BCAR3: variants seen among roughly 807,000 people sequenced by gnomAD.
BCAR3 encodes the protein BCAR3 adaptor protein, NSP family member.
A neutral mutation model predicts 80.1 loss-of-function variants in BCAR3; 37 were observed. The ratio of observed to expected loss-of-function variants is 0.46; its 90% CI spans 0.36 to 0.61. The LOEUF (loss-of-function observed/expected upper bound fraction) is 0.61. Among genes scored for constraint, BCAR3 ranks in the 20% least tolerant of loss-of-function variants. BCAR3 has a pLI of 0.00. For missense variants in BCAR3, 978 were observed against 1,068.2 expected (o/e 0.92, Z 1.18); for synonymous variants, 389 against 418.9 (o/e 0.93, Z 0.87).
chr1:93,636,957 T>C (rs996811279), intron 3 of BCAR3, among the ~76,000 whole-genome samples: 2 of 151,790 alleles, frequency 1.3e-5, no homozygotes, highest in Non-Finnish European at 2.9e-5. Flanking sequence ...AAATTAGGCA[T>C]GGTGGTGGTC....
At chr1:93,613,800 T>C in intron 3 of BCAR3, 1 of 1,540,052 alleles carries the variant, frequency 6.5e-7, no homozygotes, top group Non-Finnish European at 8.8e-7. Context: ...GCTTTCAGGG[T>C]CCCCCAAAAG....
intron 3 of BCAR3, among the ~76,000 whole-genome samples, chr1:93,699,074 T>A (rs1649538508): frequency 6.6e-6 from 1 of 152,278 alleles, no homozygotes; most frequent in South Asian, 2.1e-4. Context: ...GCTGTACATA[T>A]ATGTTCATAT....
At chr1:93,602,460 A>G (rs992928439) in intron 3 of BCAR3, 10 of 152,364 alleles carry the variant, frequency 6.6e-5, no homozygotes, top group African/African-American at 2.4e-4. Flanking sequence ...GTAAACATGT[A>G]AAGAAACTGA....
chr1:93,734,659 C>T (rs1169110479), intron 2 of BCAR3, among the ~76,000 whole-genome samples: 1 of 152,114 alleles, frequency 6.6e-6, no homozygotes, highest in Non-Finnish European at 1.5e-5. Flanking sequence ...GGGGAGGGCC[C>T]CAGCAACGTC....
At chr1:93,813,842 A>G (rs77051805) in intron 2 of BCAR3, among the ~76,000 whole-genome samples, 1,610 of 152,314 alleles carry the variant, frequency 0.011, 29 homozygotes, top group African/African-American at 0.035. Context: ...CCAGGATCCA[A>G]TGAAAGATCA....
intron 3 of BCAR3, among the ~76,000 whole-genome samples, chr1:93,626,898 G>C (rs1356540638): frequency 1.3e-5 from 2 of 152,168 alleles, no homozygotes; most frequent in African/African-American, 4.8e-5. Flanking sequence ...TTTTCATAGA[G>C]CACAATTTTT....
At chr1:93,758,318 G>C (rs1651815941) in intron 2 of BCAR3, among the ~76,000 whole-genome samples, 1 of 152,212 alleles carries the variant, frequency 6.6e-6, no homozygotes, top group Admixed American at 6.5e-5. Flanking sequence ...GGCCAGGGGA[G>C]GACAAAGAAG....
chr1:93,775,426 G>C (rs567472487), intron 2 of BCAR3: 1 of 152,232 alleles, frequency 6.6e-6, no homozygotes, highest in Non-Finnish European at 1.5e-5. Context: ...CCCAGCACGC[G>C]CGCGGCTGGT....
chr1:93,846,133 C>T (rs896271533), intron 1 of BCAR3, among the ~76,000 whole-genome samples: 3 of 150,286 alleles, frequency 2.0e-5, no homozygotes, highest in Non-Finnish European at 4.4e-5. Flanking sequence ...CGCCCCATAG[C>T]TTCGTCTTGG....
intron 3 of BCAR3, chr1:93,613,883 G>A: frequency 6.4e-7 from 1 of 1,550,590 alleles, no homozygotes; most frequent in African/African-American, 1.4e-5. Flanking sequence ...GATAGAAGCA[G>A]CACAGAGCTG....
intron 2 of BCAR3, among the ~76,000 whole-genome samples, chr1:93,656,707 G>A (rs1274657846): frequency 1.3e-5 from 2 of 150,744 alleles, no homozygotes; most frequent in African/African-American, 2.4e-5. Flanking sequence ...GGGCTTAAAC[G>A]ATCTTCCTGC....
chr1:93,641,537 C>T (rs150384433), intron 3 of BCAR3, among the ~76,000 whole-genome samples: 1 of 152,318 alleles, frequency 6.6e-6, no homozygotes, highest in African/African-American at 2.4e-5. Flanking sequence ...GAAAATAAAG[C>T]AAACAGCAAC....
chr1:93,668,957 C>G (rs1231315517), intron 2 of BCAR3, among the ~76,000 whole-genome samples: 1 of 152,188 alleles, frequency 6.6e-6, no homozygotes, highest in Non-Finnish European at 1.5e-5. Flanking sequence ...GGTGATCCAC[C>G]TGCCTCAGCC....
Position 93,703,567 on chromosome 1 carries a change from A to G in BCAR3, c.-12+2525T>C, listed in dbSNP as rs200437053. 1.6e-4 allele frequency among the ~76,000 whole-genome samples: 3 copies of G among 19,008 alleles called. 1 individual carries two copies. The highest frequency in any genetic ancestry group is 3.9e-4 in the Non-Finnish European group (1 of 2,550). The allele number at this position is 19,008 out of a possible 152,430, so 12.5% of individuals were successfully genotyped here. On this transcript the variant is annotated intron_variant, in intron 3 of 13. Transcript: ENST00000370244. ...GTGACAGAGCAAAACCCTGTCTCTT[A>G]AAAAGAAAAAAAAAAAAAAGAGATA... is the stretch of plus-strand genomic sequence containing the variant.
At chr1:93,820,941 G>A (rs1225976594) in intron 2 of BCAR3, among the ~76,000 whole-genome samples, 3 of 149,240 alleles carry the variant, frequency 2.0e-5, no homozygotes, top group African/African-American at 7.5e-5. Context: ...AATTCCAAGG[G>A]TGTTAGAAGC....
At chr1:93,830,467 C>T (rs146867894) in intron 2 of BCAR3, among the ~76,000 whole-genome samples, 37 of 152,194 alleles carry the variant, frequency 2.4e-4, no homozygotes, top group African/African-American at 6.7e-4. Flanking sequence ...GATTTGTTCC[C>T]GCCCCACCTT....
In BCAR3 at chr1:93,674,620, G is replaced by T. The variant is rs772732357; in HGVS notation, c.311C>A (p.Thr104Asn). The change falls in exon 2 of 12, where the codon ACC becomes AAC. Residue 104 changes from threonine to asparagine, a missense_variant. Coordinates refer to ENST00000260502, the MANE Select transcript of BCAR3 (RefSeq NM_003567.4). ...GTGAAATTACAGAAGTTACCTGAAG[G>T]TGAAGGTTTCGCCGTGCCGGTCCTG... ...PWQDRHGETF[T>N]FRDPHLLDPT... 3 of 1,612,296 alleles carry T rather than the reference G, an allele frequency of 1.9e-6. No homozygotes were observed. The highest frequency in any genetic ancestry group is 2.7e-5 in the African/African-American group (2 of 74,774).
chr1:93,774,483 CA>C (rs368408896), intron 2 of BCAR3, among the ~76,000 whole-genome samples: 278 of 124,398 alleles, frequency 2.2e-3, no homozygotes, highest in Admixed American at 2.6e-3. Context: ...GATTCTGTTT[CA>C]AAAAAAAAAA....
chr1:93,621,063 G>A (rs878878683), intron 3 of BCAR3, among the ~76,000 whole-genome samples: 1 of 152,266 alleles, frequency 6.6e-6, no homozygotes, highest in Non-Finnish European at 1.5e-5. Flanking sequence ...ACCCAGGGGC[G>A]GAGGGCGGGG....
Sources: allele counts gnomAD v4.1 joint callset (sites outside exome capture counted in the v4.1 genomes callset), GRCh38; gene constraint gnomAD v4.1.1; transcripts MANE v1.5; gene names NCBI Gene and HGNC (gene_info 2026-07-23, HGNC 2026-07-21).